The following LIMCH1 variants were observed in gnomAD, a reference collection of about 807,000 sequenced individuals.
LIMCH1 encodes the protein LIM and calponin homology domains 1.
Under a neutral mutation model 176.5 loss-of-function variants are expected in LIMCH1, and 113 were observed. That is an observed-to-expected ratio of 0.64 (90% CI 0.55 to 0.75). The LOEUF (loss-of-function observed/expected upper bound fraction) is 0.75. Ranked by LOEUF, LIMCH1 falls within the 30% of genes least tolerant of loss-of-function variation. The pLI, the probability that LIMCH1 is intolerant of heterozygous loss-of-function variation, is 0.00. For missense variants in LIMCH1, 1,674 were observed against 1,814.9 expected (o/e 0.92, Z 1.41); for synonymous variants, 619 against 645.9 (o/e 0.96, Z 0.63).
intron 1 of LIMCH1, among the ~76,000 whole-genome samples, chr4:41,444,060 C>T (rs4306987): frequency 0.13 from 19,422 of 151,942 alleles, 3,725 homozygotes; most frequent in African/African-American, 0.41. Flanking sequence ...AGGTATTGTC[C>T]GTGGGACTGA....
chr4:41,538,955 G>A (rs574536108), intron 1 of LIMCH1, among the ~76,000 whole-genome samples: 2 of 152,298 alleles, frequency 1.3e-5, no homozygotes, highest in Non-Finnish European at 2.9e-5. Context: ...ACTATTTACT[G>A]CAGGCCGGGA....
chr4:41,405,844 G>A (rs2058902882), intron 1 of LIMCH1, among the ~76,000 whole-genome samples: 1 of 152,184 alleles, frequency 6.6e-6, no homozygotes, highest in South Asian at 2.1e-4. Context: ...TGCTTTTGAA[G>A]TGATGCAAGG....
At chr4:41,639,363 G>A (rs532994716) in intron 14 of LIMCH1, among the ~76,000 whole-genome samples, 30 of 152,278 alleles carry the variant, frequency 2.0e-4, no homozygotes, top group African/African-American at 7.2e-4. Flanking sequence ...CATTCCCATA[G>A]TCTCATTTTT....
intron 3 of LIMCH1, among the ~76,000 whole-genome samples, chr4:41,524,753 T>A (rs1052083202): frequency 2.6e-5 from 4 of 152,200 alleles, no homozygotes; most frequent in Admixed American, 6.5e-5. Flanking sequence ...GATAATTAGG[T>A]TGACCCTTGG....
chr4:41,452,808 A>C, intron 1 of LIMCH1, among the ~76,000 whole-genome samples: 1 of 152,240 alleles, frequency 6.6e-6, no homozygotes, highest in Admixed American at 6.5e-5. Flanking sequence ...TGTTAATAGC[A>C]GTTTTTGTGC....
At chr4:41,504,701 T>G (rs191972648) in intron 2 of LIMCH1, among the ~76,000 whole-genome samples, 75 of 152,358 alleles carry the variant, frequency 4.9e-4, no homozygotes, top group African/African-American at 1.7e-3. Flanking sequence ...TGATATGCTC[T>G]CCCTTATTCT....
intron 1 of LIMCH1, among the ~76,000 whole-genome samples, chr4:41,380,963 T>G (rs2055574501): frequency 1.3e-5 from 2 of 152,224 alleles, no homozygotes; most frequent in Non-Finnish European, 1.5e-5. Context: ...TTTTCTGCAC[T>G]GAATCATAGG....
chr4:41,404,035 A>T (rs1308413037), intron 1 of LIMCH1, among the ~76,000 whole-genome samples: 1 of 152,240 alleles, frequency 6.6e-6, no homozygotes, highest in Non-Finnish European at 1.5e-5. Flanking sequence ...TGGGTTTTAT[A>T]TGCATAATAG....
At chr4:41,386,203 C>T (rs1294071175) in intron 1 of LIMCH1, among the ~76,000 whole-genome samples, 1 of 152,022 alleles carries the variant, frequency 6.6e-6, no homozygotes, top group Admixed American at 6.5e-5. Flanking sequence ...CAGTGTCTGA[C>T]CTGTAAATGG....
chr4:41,367,684 C>CAAAA lies in LIMCH1; in HGVS notation c.96+6767_96+6770dup, dbSNP rs35832745. Among the ~76,000 whole-genome samples, 56 of 96,502 alleles carry CAAAA rather than the reference C, an allele frequency of 5.8e-4. 1 individual carries two copies. The highest frequency in any genetic ancestry group is 8.0e-4 in the Non-Finnish European group (41 of 51,440). 63.3% of individuals were successfully genotyped at this position (96,502 alleles called of 152,430 possible). A position where few individuals can be genotyped will look rare whatever the true frequency, so the allele number is the denominator to read the frequency against. On this transcript the variant is annotated intron_variant, in intron 1 of 26. Transcript: ENST00000313860. The stretch of plus-strand genomic sequence containing the variant: ...TGAAACCCTGTCTCTACTAAAAATC[C>CAAAA]AAAAAAAAAAAAAAAAAAAAAAGGA...
At chr4:41,640,262 A>G (rs1205037548) in intron 14 of LIMCH1, among the ~76,000 whole-genome samples, 4 of 152,270 alleles carry the variant, frequency 2.6e-5, no homozygotes, top group African/African-American at 9.6e-5. Flanking sequence ...GGAGGATTTT[A>G]TAAGATTGAC....
intron 1 of LIMCH1, among the ~76,000 whole-genome samples, chr4:41,363,756 C>T (rs866384748): frequency 1.4e-4 from 21 of 152,234 alleles, no homozygotes; most frequent in Middle Eastern, 3.4e-3. Context: ...AAAGCTCTAA[C>T]GGAGCACTAG....
chr4:41,530,492 C>T (rs544908483), intron 3 of LIMCH1, among the ~76,000 whole-genome samples: 4 of 152,140 alleles, frequency 2.6e-5, no homozygotes, highest in East Asian at 1.9e-4. Context: ...TCTCCGGGCT[C>T]GGTCTCTCCT....
At chr4:41,499,402 A>G (rs978917048) in intron 2 of LIMCH1, among the ~76,000 whole-genome samples, 1 of 152,230 alleles carries the variant, frequency 6.6e-6, no homozygotes, top group African/African-American at 2.4e-5. Context: ...TCTTGTAAAT[A>G]TAGGAACATT....
intron 11 of LIMCH1, 35 bp from the exon 12 acceptor site, chr4:41,632,942 T>G: frequency 6.5e-7 from 1 of 1,532,166 alleles, no homozygotes; most frequent in Non-Finnish European, 8.7e-7. Flanking sequence ...GTGTGAATTC[T>G]TTCCTAGGAG....
At chr4:41,385,154 A>T (rs2056318455) in intron 1 of LIMCH1, among the ~76,000 whole-genome samples, 1 of 152,256 alleles carries the variant, frequency 6.6e-6, no homozygotes, top group African/African-American at 2.4e-5. Flanking sequence ...CACTTGGGCC[A>T]GCTTTTGCTT....
At chr4:41,572,687 G>C (rs1477382475) in intron 1 of LIMCH1, among the ~76,000 whole-genome samples, 1 of 152,184 alleles carries the variant, frequency 6.6e-6, no homozygotes, top group Admixed American at 6.5e-5. Context: ...ACTGTAATTA[G>C]AGTCTGTGAA....
At chr4:41,423,356 A>G (rs570540800) in intron 1 of LIMCH1, among the ~76,000 whole-genome samples, 1 of 152,246 alleles carries the variant, frequency 6.6e-6, no homozygotes, top group South Asian at 2.1e-4. Context: ...TTTGGGTGGT[A>G]TGCACACCAA....
chr4:41,530,791 G>T (rs963949032), intron 3 of LIMCH1, among the ~76,000 whole-genome samples: 2 of 26,480 alleles, frequency 7.6e-5, no homozygotes, highest in African/African-American at 6.2e-4. Flanking sequence ...GCGAAACCCC[G>T]CCTAAAAAAA....
Sources: gnomAD v4.1 joint callset for allele counts (sites outside exome capture counted in the v4.1 genomes callset) on GRCh38, gnomAD v4.1.1 for gene constraint, MANE v1.5 for transcripts, NCBI Gene and HGNC (gene_info 2026-07-23, HGNC 2026-07-21) for gene names.